The following BPIFC variants were observed in gnomAD, a reference collection of about 807,000 sequenced individuals.
The protein encoded by BPIFC is BPI fold-containing family C protein.
Under a neutral mutation model 57.6 loss-of-function variants are expected in BPIFC, and 60 were observed. That is an observed-to-expected ratio of 1.04 (90% confidence interval 0.85 to 1.29). The LOEUF is 1.29. BPIFC is among the 50% of genes most tolerant of loss of function. The probability of loss-of-function intolerance (pLI) is 0.00; values close to 1 mark genes in which losing one functional copy is unlikely to be tolerated. For synonymous variants in BPIFC, 243 were observed against 224.5 expected, an observed-to-expected ratio of 1.08 and a Z score of -0.74; for missense variants, 581 against 600.5, an observed-to-expected ratio of 0.97 and a Z score of 0.34.
chr22:32,452,731 T>C (rs1934930136), intron 4 of BPIFC, among the ~76,000 whole-genome samples: 1 of 151,960 alleles, frequency 6.6e-6, no homozygotes, highest in South Asian at 2.1e-4. Flanking sequence ...AGGGTTGGAG[T>C]AGCAGGGAAT....
chr22:32,464,438 G>T lies in BPIFC; in HGVS notation c.-153C>A, dbSNP rs915135048. ...GATTCTCTCTGCCTTTGAAGCTGAT[G>T]TGTTCTCCACCTTGCGCCTTAAACT... On this transcript the variant is annotated 5_prime_UTR_variant, in exon 1 of 17. Transcript: ENST00000300399. 1.0e-6 allele frequency: 1 copy of T among 985,230 alleles called. No homozygotes were observed. Among genetic ancestry groups the T allele is most frequent in the Non-Finnish European group, 1.2e-6 (1 of 829,928 alleles). 61.0% of individuals were successfully genotyped at this position (985,230 alleles called of 1,614,324 possible). A position where few individuals can be genotyped will look rare whatever the true frequency, so the allele number is the denominator to read the frequency against.
chr22:32,419,823 A>C lies in BPIFC; in HGVS notation c.1218-419T>G, dbSNP rs898012826. Among the ~76,000 whole-genome samples the C allele has an allele frequency of 4.0e-4, 54 of 136,386 alleles. 1 individual carries two copies. The highest frequency in any genetic ancestry group is 1.6e-3 in the African/African-American group (54 of 34,214). 89.5% of individuals were successfully genotyped at this position (136,386 alleles called of 152,430 possible). A position where few individuals can be genotyped will look rare whatever the true frequency, so the allele number is the denominator to read the frequency against. The stretch of plus-strand genomic sequence containing the variant: ...CCTGTCAAAAAAAAAAAAAAAAAAA[A>C]ACAGATAAAAATAAAACACACACAC... On this transcript the variant is annotated intron_variant, in intron 13 of 16. Transcript: ENST00000300399.
intron 16 of BPIFC, among the ~76,000 whole-genome samples, chr22:32,415,216 T>C (rs1933636478): frequency 6.6e-6 from 1 of 152,114 alleles, no homozygotes; most frequent in Admixed American, 6.5e-5. Flanking sequence ...GAGGTGGAGC[T>C]CAGGCAGTAA....
chr22:32,433,366 T>C (rs1245929257), intron 11 of BPIFC, among the ~76,000 whole-genome samples: 1 of 152,236 alleles, frequency 6.6e-6, no homozygotes, highest in African/African-American at 2.4e-5. Context: ...ATATTAACAG[T>C]TGCTTTTTAC....
chr22:32,435,135 A>G (rs918358148), intron 10 of BPIFC, among the ~76,000 whole-genome samples: 12 of 152,202 alleles, frequency 7.9e-5, no homozygotes, highest in Middle Eastern at 3.2e-3. Flanking sequence ...CCTTTTCCAG[A>G]TGAAGAAATT....
intron 14 of BPIFC, 131 bp from the exon 15 acceptor site, chr22:32,417,279 A>G: frequency 3.0e-6 from 2 of 663,084 alleles, no homozygotes; most frequent in South Asian, 3.6e-5. Flanking sequence ...GGGCTCAAGC[A>G]ATCTTCCTGC....
chr22:32,453,927 C>A (rs34758535), intron 3 of BPIFC, among the ~76,000 whole-genome samples: 20,592 of 147,348 alleles, frequency 0.14, 1,737 homozygotes, highest in Non-Finnish European at 0.2. Context: ...CAAAAACAAA[C>A]AACAACAACA....
chr22:32,416,374 A>C (rs75040902), intron 15 of BPIFC, among the ~76,000 whole-genome samples: 5,255 of 152,148 alleles, frequency 0.035, 282 homozygotes, highest in African/African-American at 0.12. Context: ...TGAGCCACTG[A>C]GCCCGGCATG....
chr22:32,447,071 C>T, intron 5 of BPIFC, 141 bp downstream of exon 5: 1 of 1,231,680 alleles, frequency 8.1e-7, no homozygotes, highest in Non-Finnish European at 1.1e-6. Context: ...TAAGCCTCAC[C>T]TGGAAAAAAA....
intron 7 of BPIFC, 75 bp from the exon 8 acceptor site, chr22:32,442,806 C>CCTG (rs1934601965): frequency 2.1e-6 from 3 of 1,410,624 alleles, no homozygotes; most frequent in South Asian, 2.5e-5. Context: ...GGGCCTAGAC[C>CCTG]CTGCAAACAA....
chr22:32,418,549 T>A (rs754212509), intron 14 of BPIFC, among the ~76,000 whole-genome samples: 6 of 152,172 alleles, frequency 3.9e-5, no homozygotes, highest in Non-Finnish European at 8.8e-5. Flanking sequence ...TTGCCAGATG[T>A]CCCTAGCTGA....
intron 1 of BPIFC, 65 bp downstream of exon 1, chr22:32,464,309 T>A (rs1227599329): frequency 1.3e-6 from 1 of 784,860 alleles, no homozygotes; most frequent in African/African-American, 1.9e-5. Flanking sequence ...TCCTACCAAA[T>A]CTGGGACATC....
intron 14 of BPIFC, among the ~76,000 whole-genome samples, chr22:32,418,994 A>G (rs528073387): frequency 1.3e-5 from 2 of 152,216 alleles, no homozygotes; most frequent in South Asian, 4.1e-4. Context: ...TGGCTTAATA[A>G]TTTACATATT....
chr22:32,420,211 G>A (rs1387134867), intron 13 of BPIFC, among the ~76,000 whole-genome samples: 6 of 151,766 alleles, frequency 4.0e-5, no homozygotes, highest in South Asian at 2.1e-4. Flanking sequence ...CCAGCTACTC[G>A]GGAGGCTGAG....
intron 4 of BPIFC, among the ~76,000 whole-genome samples, chr22:32,448,110 C>G (rs1934781343): frequency 6.6e-6 from 1 of 151,566 alleles, no homozygotes; most frequent in Non-Finnish European, 1.5e-5. Context: ...GCTCTGTCAC[C>G]CAGGCTGGAG....
chr22:32,439,472 C>T (rs9609552), intron 8 of BPIFC, among the ~76,000 whole-genome samples: 14,385 of 152,224 alleles, frequency 0.094, 806 homozygotes, highest in Middle Eastern at 0.13. Flanking sequence ...GACCTACTCC[C>T]TGTTCTAGAG....
rs146588516 is a variant in BPIFC at position 32,436,041 on chromosome 22, G to A, written c.748-161C>T. On this transcript the variant is annotated intron_variant, in intron 9 of 16. Transcript: ENST00000300399. Reference sequence around the variant, plus strand: ...TCCCAACACTTTGGGAGGCTGAGGCGGGTGAATCACTGGAACACTGGAGTT... The same window carrying A: ...TCCCAACACTTTGGGAGGCTGAGGCAGGTGAATCACTGGAACACTGGAGTT... Among the ~76,000 whole-genome samples the A allele has an allele frequency of 3.9e-5, 6 of 152,258 alleles. No homozygotes were observed. The East Asian group carries it at 9.6e-4, about 24-fold the overall frequency.
At chr22:32,426,587 G>T (rs1934072374) in intron 13 of BPIFC, among the ~76,000 whole-genome samples, 1 of 152,132 alleles carries the variant, frequency 6.6e-6, no homozygotes, top group African/African-American at 2.4e-5. Context: ...TTAATGCCTT[G>T]CCATCTCTAT....
In BPIFC at chr22:32,442,028, C is replaced by G. The variant is rs183000175; in HGVS notation, c.655+643G>C. Among the ~76,000 whole-genome samples the G allele has an allele frequency of 3.3e-5, 5 of 152,310 alleles. No homozygotes were observed. The East Asian group carries it at 9.6e-4, about 29-fold the overall frequency. ...AGGCAGTAATGCTCAGTCGCCTGCCCACTGTTCACCTCCGGCTGTGCAGTC... is the reference window on the plus strand; with the variant it reads ...AGGCAGTAATGCTCAGTCGCCTGCCGACTGTTCACCTCCGGCTGTGCAGTC... On this transcript the variant is annotated intron_variant, in intron 8 of 16. Coordinates refer to ENST00000300399, the MANE Select transcript of BPIFC (RefSeq NM_174932.3).
Sources: allele counts gnomAD v4.1 joint callset (sites outside exome capture counted in the v4.1 genomes callset), GRCh38; gene constraint gnomAD v4.1.1; transcripts MANE v1.5; gene names NCBI Gene and HGNC (gene_info 2026-07-23, HGNC 2026-07-21).